SPOCK1: variants seen among roughly 807,000 people sequenced by gnomAD.
SPOCK1 encodes testican-1.
A neutral mutation model predicts 55.3 loss-of-function variants in SPOCK1; 23 were observed. The observed-to-expected ratio is 0.42, with a 90% CI of 0.30 to 0.59. The LOEUF is 0.59. Ranked by LOEUF, SPOCK1 falls within the 20% of genes least tolerant of loss-of-function variation. The pLI, the probability that SPOCK1 is intolerant of heterozygous loss-of-function variation, is 0.22. For missense variants in SPOCK1, 499 were observed against 552.5 expected (o/e 0.90, Z 0.97); for synonymous variants, 226 against 221.0 (o/e 1.02, Z -0.20).
At chr5:137,302,132 G>A (rs1036270060) in intron 2 of SPOCK1, among the ~76,000 whole-genome samples, 15 of 152,294 alleles carry the variant, frequency 9.8e-5, no homozygotes, top group Admixed American at 3.9e-4. Context: ...CCACAGAAAC[G>A]AGACGTTTTA....
chr5:137,098,285 C>T (rs1182628691), intron 5 of SPOCK1, among the ~76,000 whole-genome samples: 2 of 152,218 alleles, frequency 1.3e-5, no homozygotes, highest in South Asian at 2.1e-4. Context: ...CACTGCTGCA[C>T]CCAGCCCTCC....
At chr5:137,074,908 T>C (rs778277469) in intron 5 of SPOCK1, among the ~76,000 whole-genome samples, 1 of 152,140 alleles carries the variant, frequency 6.6e-6, no homozygotes, top group Non-Finnish European at 1.5e-5. Context: ...TTTCACCGTG[T>C]TAGCCAGGAT....
At chr5:137,243,912 T>A (rs1470040678) in intron 3 of SPOCK1, among the ~76,000 whole-genome samples, 1 of 152,152 alleles carries the variant, frequency 6.6e-6, no homozygotes, top group Non-Finnish European at 1.5e-5. Flanking sequence ...TCAGGATCTA[T>A]GGGCAATGAA....
intron 3 of SPOCK1, among the ~76,000 whole-genome samples, chr5:137,260,123 A>G (rs1046862548): frequency 6.6e-6 from 1 of 152,206 alleles, no homozygotes; most frequent in Non-Finnish European, 1.5e-5. Flanking sequence ...TGGGTGAACT[A>G]AAGTCCAGAA....
At chr5:137,335,363 T>C (rs1750235381) in intron 2 of SPOCK1, among the ~76,000 whole-genome samples, 1 of 152,220 alleles carries the variant, frequency 6.6e-6, no homozygotes, top group Non-Finnish European at 1.5e-5. Context: ...GAGAAGGCAA[T>C]ATGCCAAAAT....
intron 2 of SPOCK1, among the ~76,000 whole-genome samples, chr5:137,283,896 C>T (rs1344481292): frequency 6.6e-6 from 1 of 152,178 alleles, no homozygotes; most frequent in African/African-American, 2.4e-5. Context: ...GGACCCAGGT[C>T]CTAGAGGAGG....
intron 2 of SPOCK1, among the ~76,000 whole-genome samples, chr5:137,389,940 C>G (rs747888871): frequency 6.6e-6 from 1 of 152,154 alleles, no homozygotes; most frequent in Non-Finnish European, 1.5e-5. Context: ...GATACCACCC[C>G]CGCCCCATCC....
chr5:137,153,561 G>A (rs1471205104), intron 3 of SPOCK1, among the ~76,000 whole-genome samples: 2 of 152,122 alleles, frequency 1.3e-5, no homozygotes, highest in Non-Finnish European at 2.9e-5. Context: ...GAAAAGAGGG[G>A]AAGAGAAAGA....
chr5:137,297,193 C>T (rs1474606607), intron 2 of SPOCK1, among the ~76,000 whole-genome samples: 2 of 152,164 alleles, frequency 1.3e-5, no homozygotes, highest in Non-Finnish European at 2.9e-5. Flanking sequence ...TACACACATA[C>T]ATGTATATTT....
chr5:137,497,219 C>T (rs959865977), intron 2 of SPOCK1, among the ~76,000 whole-genome samples: 1 of 152,178 alleles, frequency 6.6e-6, no homozygotes, highest in African/African-American at 2.4e-5. Flanking sequence ...AGTCTGTAAA[C>T]CATGCCCGGG....
intron 2 of SPOCK1, among the ~76,000 whole-genome samples, chr5:137,369,305 T>C (rs1286130502): frequency 6.6e-6 from 1 of 152,218 alleles, no homozygotes; most frequent in African/African-American, 2.4e-5. Context: ...TATCTACCTC[T>C]TTCCTTGGTT....
At chr5:137,079,539 C>G (rs1053153470) in intron 5 of SPOCK1, among the ~76,000 whole-genome samples, 2 of 149,004 alleles carry the variant, frequency 1.3e-5, no homozygotes, top group African/African-American at 2.5e-5. Context: ...TGATTCCCCC[C>G]CCCCCCGACT....
chr5:137,076,671 A>G (rs1430807759), intron 5 of SPOCK1, among the ~76,000 whole-genome samples: 3 of 151,334 alleles, frequency 2.0e-5, no homozygotes, highest in East Asian at 1.9e-4. Flanking sequence ...TAGTAAATTC[A>G]TATCTCCTTT....
chr5:137,496,713 G>A (rs1754306299), intron 2 of SPOCK1, among the ~76,000 whole-genome samples: 1 of 152,140 alleles, frequency 6.6e-6, no homozygotes, highest in African/African-American at 2.4e-5. Flanking sequence ...TCAGCCATAG[G>A]GAAAGGTAAT....
intron 6 of SPOCK1, among the ~76,000 whole-genome samples, chr5:137,014,683 C>G (rs1751417692): frequency 6.6e-6 from 1 of 152,156 alleles, no homozygotes; most frequent in Non-Finnish European, 1.5e-5. Context: ...GCTTATCACC[C>G]ATAATGGAAT....
At chr5:137,083,952 C>G (rs1261144126) in intron 5 of SPOCK1, among the ~76,000 whole-genome samples, 1 of 152,034 alleles carries the variant, frequency 6.6e-6, no homozygotes, top group Non-Finnish European at 1.5e-5. Flanking sequence ...AATCCCAGCT[C>G]TTGCTTGCCC....
At chr5:137,322,431 TAGG>T (rs1214972455) in intron 2 of SPOCK1, among the ~76,000 whole-genome samples, 1 of 151,042 alleles carries the variant, frequency 6.6e-6, no homozygotes, top group Middle Eastern at 3.2e-3. Context: ...CTAACAATGG[TAGG>T]TAAATCACTT....
Position 137,103,018 on chromosome 5 carries a change from T to C in SPOCK1, c.474+9417A>G, listed in dbSNP as rs1268665888. ...TTTGTTTTGTTTTTTAAAGATAGAA[T>C]CTTGCTCTGTTGCCCAGGCTAGAGT... On this transcript the variant is annotated intron_variant, in intron 5 of 10. Coordinates refer to ENST00000394945, the MANE Select transcript of SPOCK1 (RefSeq NM_004598.4). Among the ~76,000 whole-genome samples, 3 of 152,194 alleles carry C rather than the reference T, an allele frequency of 2.0e-5. No homozygotes were observed. The East Asian group carries it at 5.8e-4, about 29-fold the overall frequency.
intron 3 of SPOCK1, among the ~76,000 whole-genome samples, chr5:137,260,681 G>T (rs1007791715): frequency 2.6e-5 from 4 of 152,200 alleles, no homozygotes; most frequent in Admixed American, 6.5e-5. Flanking sequence ...CATTCAATTT[G>T]ATCAAACATC....
Sources: gnomAD v4.1 joint callset for allele counts (sites outside exome capture counted in the v4.1 genomes callset) on GRCh38, gnomAD v4.1.1 for gene constraint, MANE v1.5 for transcripts, NCBI Gene and HGNC (gene_info 2026-07-23, HGNC 2026-07-21) for gene names.